The following MICAL2 variants were observed in gnomAD, a reference collection of about 807,000 sequenced individuals.
MICAL2 encodes the protein microtubule associated monooxygenase, calponin and LIM domain containing 2.
Under a neutral mutation model 127.3 loss-of-function variants are expected in MICAL2, and 77 were observed. The ratio of observed to expected loss-of-function variants is 0.60; its 90% CI spans 0.50 to 0.73. MICAL2 has a LOEUF of 0.73. Among genes scored for constraint, MICAL2 ranks in the 30% least tolerant of loss-of-function variants. The pLI is 0.00. For synonymous variants in MICAL2, 570 were observed against 551.1 expected (o/e 1.03, Z -0.48); for missense variants, 1,351 against 1,434.4 (o/e 0.94, Z 0.94).
At chr11:12,207,424 C>T (rs1778062794) in intron 4 of MICAL2, among the ~76,000 whole-genome samples, 1 of 152,242 alleles carries the variant, frequency 6.6e-6, no homozygotes, top group South Asian at 2.1e-4. Context: ...CGCATTTGTG[C>T]TGAATGGCAG....
chr11:12,165,346 C>T (rs59912663), intron 3 of MICAL2, among the ~76,000 whole-genome samples: 3,268 of 152,214 alleles, frequency 0.021, 107 homozygotes, highest in African/African-American at 0.064. Flanking sequence ...AACAGGGGTC[C>T]TCACCTCTTC....
In MICAL2 at chr11:12,200,203, C is replaced by T. The variant is rs189136374; in HGVS notation, c.265-4047C>T. Reference sequence around the variant, plus strand: ...TGGGTTAGACACGGAAAATATGACCCGCAGAGCTGGTTCTGGGGAAGCAGA... The same window carrying T: ...TGGGTTAGACACGGAAAATATGACCTGCAGAGCTGGTTCTGGGGAAGCAGA... On this transcript the variant is annotated intron_variant, in intron 3 of 27. Transcript: ENST00000683283. Among the ~76,000 whole-genome samples, 42 of 152,262 alleles carry T rather than the reference C, an allele frequency of 2.8e-4. No homozygotes were observed. In the East Asian group the frequency reaches 6.2e-3, roughly 22 times the overall value.
chr11:12,181,895 T>G (rs888582919), intron 3 of MICAL2, among the ~76,000 whole-genome samples: 14 of 152,348 alleles, frequency 9.2e-5, no homozygotes, highest in Non-Finnish European at 2.1e-4. Context: ...CCTTTATTTT[T>G]ACTAACCTCT....
chr11:12,235,225 C>T (rs1858872834), intron 15 of MICAL2, among the ~76,000 whole-genome samples: 1 of 152,304 alleles, frequency 6.6e-6, no homozygotes, highest in East Asian at 1.9e-4. Flanking sequence ...TTTCCCACTC[C>T]AGCCATAGCA....
At chr11:12,157,626 C>T (rs1854329834) in intron 2 of MICAL2, among the ~76,000 whole-genome samples, 1 of 152,000 alleles carries the variant, frequency 6.6e-6, no homozygotes, top group Non-Finnish European at 1.5e-5. Context: ...TATCAAACCT[C>T]AAAAGGGCAA....
chr11:12,204,085 G>T (rs943546353), intron 3 of MICAL2, among the ~76,000 whole-genome samples, 165 bp from the exon 4 acceptor site: 5 of 152,202 alleles, frequency 3.3e-5, no homozygotes, highest in African/African-American at 1.2e-4. Context: ...CCACAGGTAA[G>T]GTACATTGGG....
intron 6 of MICAL2, among the ~76,000 whole-genome samples, chr11:12,210,358 A>G (rs1855293385): frequency 6.6e-6 from 1 of 152,232 alleles, no homozygotes; most frequent in African/African-American, 2.4e-5. Context: ...GGCCCCAAAT[A>G]GGGCAGTTCT....
chr11:12,228,921 G>A (rs551155303), intron 15 of MICAL2, among the ~76,000 whole-genome samples: 2 of 152,298 alleles, frequency 1.3e-5, no homozygotes, highest in East Asian at 3.9e-4. Context: ...GGGAGCAGGG[G>A]TGGCTTGGGG....
intron 26 of MICAL2, 198 bp from the exon 27 acceptor site, chr11:12,262,282 A>C: frequency 7.0e-7 from 1 of 1,429,592 alleles, no homozygotes; most frequent in Non-Finnish European, 9.1e-7. Context: ...CTCGTAAACA[A>C]GTAGCTGGTC....
At chr11:12,307,201 T>C (rs567874091) in intron 29 of MICAL2, among the ~76,000 whole-genome samples, 1 of 152,210 alleles carries the variant, frequency 6.6e-6, no homozygotes, top group Non-Finnish European at 1.5e-5. Context: ...ACTAATGATG[T>C]TGAGCTTCTT....
intron 3 of MICAL2, among the ~76,000 whole-genome samples, chr11:12,193,437 C>G (rs1590277464): frequency 6.6e-6 from 1 of 152,224 alleles, no homozygotes; most frequent in East Asian, 1.9e-4. Context: ...ACTTCCAGGC[C>G]TCATCATGGC....
In MICAL2 at chr11:12,122,686, G is replaced by T. The variant is rs1850604600; in HGVS notation, c.-149+11960G>T. 2.0e-5 allele frequency among the ~76,000 whole-genome samples: 3 copies of T among 152,320 alleles called. No individual in the cohort carries two copies. The South Asian group carries it at 6.2e-4, about 32-fold the overall frequency. ...AGCTTCCCAAAGTGCTGGGATTACA[G>T]GAGTGAGCCACCGCGCCTGGCCTGC... On this transcript the variant is annotated intron_variant, in intron 1 of 27. Coordinates refer to ENST00000683283, the MANE Select transcript of MICAL2 (RefSeq NM_001282663.2).
At chr11:12,336,752 T>A (rs10831791) in intron 32 of MICAL2, among the ~76,000 whole-genome samples, 3 of 151,602 alleles carry the variant, frequency 2.0e-5, no homozygotes, top group Non-Finnish European at 4.4e-5. Context: ...TGCTGGATTA[T>A]GTTTATTGAT....
intron 7 of MICAL2, among the ~76,000 whole-genome samples, chr11:12,214,785 T>C (rs543180832): frequency 6.6e-6 from 1 of 152,176 alleles, no homozygotes; most frequent in African/African-American, 2.4e-5. Context: ...AAAGAGACCA[T>C]AGGGCCCACA....
intron 32 of MICAL2, among the ~76,000 whole-genome samples, chr11:12,336,265 G>A (rs902278512): frequency 2.6e-5 from 4 of 152,070 alleles, no homozygotes. Context: ...GTCTATTATT[G>A]GTGTATAAGA....
chr11:12,162,027 C>T (rs1854866938), intron 2 of MICAL2, 52 bp from the exon 3 acceptor site: 2 of 1,279,652 alleles, frequency 1.6e-6, no homozygotes, highest in Admixed American at 2.4e-5. Flanking sequence ...ACCCATCCCC[C>T]ACCCTAACCT....
At chr11:12,130,935 C>G (rs1437717092) in intron 1 of MICAL2, among the ~76,000 whole-genome samples, 1 of 152,150 alleles carries the variant, frequency 6.6e-6, no homozygotes, top group Admixed American at 6.5e-5. Flanking sequence ...CTTCTCAGCT[C>G]CCTCTGTGAT....
In MICAL2 at chr11:12,319,731, G is replaced by A. The variant is rs1864270965; in HGVS notation, c.5248G>A (p.Glu1750Lys). The A allele has an allele frequency of 1.9e-6, 3 of 1,614,110 alleles. No homozygotes were observed. The East Asian group carries it at 6.7e-5, about 36-fold the overall frequency. Residue 1750 changes from glutamate (E) to lysine (K), a missense_variant, in exon 30 of 35, where the codon GAG (glutamate) becomes AAG (lysine). Transcript: ENST00000646065. ...CTTTCCCCTCAGAGCACAGGTAACAGAGGCTTCCTCTTCTGCCTCTTCAAC... is the reference window on the plus strand; with the variant it reads ...CTTTCCCCTCAGAGCACAGGTAACAAAGGCTTCCTCTTCTGCCTCTTCAAC...
intron 32 of MICAL2, among the ~76,000 whole-genome samples, chr11:12,337,008 G>C (rs1013210148): frequency 3.3e-5 from 5 of 152,164 alleles, no homozygotes; most frequent in African/African-American, 1.2e-4. Flanking sequence ...CTATTGATTG[G>C]AATAGTTTCA....
Sources: allele counts gnomAD v4.1 joint callset (sites outside exome capture counted in the v4.1 genomes callset), GRCh38; gene constraint gnomAD v4.1.1; transcripts MANE v1.5; gene names NCBI Gene and HGNC (gene_info 2026-07-23, HGNC 2026-07-21).